LAX1: variants seen among roughly 807,000 people sequenced by gnomAD.
LAX1 encodes the protein lymphocyte transmembrane adaptor 1.
A neutral mutation model predicts 20.7 loss-of-function variants in LAX1; 17 were observed. That is an observed-to-expected ratio of 0.82 (90% CI 0.56 to 1.23). The LOEUF is 1.23. LAX1 is among the 50% of genes most tolerant of loss of function. The pLI, the probability that LAX1 is intolerant of heterozygous loss-of-function variation, is 0.00. For synonymous variants in LAX1, 165 were observed against 181.0 expected (o/e 0.91, Z 0.71); for missense variants, 470 against 487.0 (o/e 0.97, Z 0.33).
chr1:203,773,436 G>A (rs560557806), intron 4 of LAX1, among the ~76,000 whole-genome samples: 62 of 152,054 alleles, frequency 4.1e-4, no homozygotes, highest in South Asian at 8.3e-4. Flanking sequence ...CTTGGGCGAC[G>A]AGAGCGAAAC....
At chr1:203,772,554 A>C (rs1318614256) in intron 4 of LAX1, among the ~76,000 whole-genome samples, 1 of 152,062 alleles carries the variant, frequency 6.6e-6, no homozygotes, top group Non-Finnish European at 1.5e-5. Flanking sequence ...CAGCCTCCCA[A>C]GTAGCTGGGA....
At chr1:203,771,279 T>C in intron 2 of LAX1, 88 bp from the exon 3 acceptor site, 1 of 869,982 alleles carries the variant, frequency 1.1e-6, no homozygotes, top group East Asian at 2.4e-5. Context: ...ATGGGGAGCA[T>C]TTTCAGGGGC....
intron 4 of LAX1, among the ~76,000 whole-genome samples, chr1:203,772,715 C>T (rs557179994): frequency 5.3e-4 from 79 of 148,328 alleles, no homozygotes; most frequent in African/African-American, 1.8e-3. Flanking sequence ...CATGAGCCAC[C>T]GTGCCCAGCA....
At position 203,770,686 on chromosome 1, in the gene LAX1, C is replaced by T. The variant is rs555740787; in HGVS notation, c.90-142C>T. 1.1e-3 allele frequency: 737 copies of T among 660,658 alleles called. 1 individual carries two copies. The highest frequency in any genetic ancestry group is 1.7e-3 in the Non-Finnish European group (632 of 366,986). The allele number at this position is 660,658 out of a possible 1,614,324, so 40.9% of individuals were successfully genotyped here. ...ATAAAGTCAATATTCAGAGATAACC[C>T]TCTCTTCCACCACACCCCACCTGGG... On this transcript the variant is annotated intron_variant, in intron 1 of 4. Coordinates refer to ENST00000442561, the MANE Select transcript of LAX1 (RefSeq NM_017773.4).
intron 1 of LAX1, 60 bp downstream of exon 1, chr1:203,765,714 C>T: frequency 2.0e-6 from 3 of 1,500,716 alleles, no homozygotes; most frequent in Non-Finnish European, 2.8e-6. Flanking sequence ...GGTCCTAGTC[C>T]ACCCTTAGGA....
intron 4 of LAX1, 89 bp from the exon 5 acceptor site, chr1:203,773,779 TTTTTTCA>T: frequency 4.2e-6 from 1 of 239,380 alleles, no homozygotes. Flanking sequence ...TTTTTTTTTT[TTTTTTCA>T]GAATATGCCA....
In LAX1 at chr1:203,765,517, A is replaced by C. The variant is rs1452492446; in HGVS notation, c.-49A>C. On this transcript the variant is annotated 5_prime_UTR_variant, in exon 1 of 5. Coordinates refer to ENST00000442561, the MANE Select transcript of LAX1 (RefSeq NM_017773.4). ...TGCTGGCTAACTGATTATGATTAAG[A>C]GAAACTTAGAAGCTGAAGCCAGAGA... 4 of 1,611,498 alleles carry C rather than the reference A, an allele frequency of 2.5e-6. No homozygotes were observed. The African/African-American group carries it at 4.0e-5, about 16-fold the overall frequency.
In LAX1 at chr1:203,773,872, T is replaced by A; in HGVS notation, c.391-3T>A. 1 of 1,511,428 alleles carries A rather than the reference T, an allele frequency of 6.6e-7. No homozygotes were observed. The highest frequency in any genetic ancestry group is 9.0e-7 in the Non-Finnish European group (1 of 1,113,898). The allele number at this position is 1,511,428 out of a possible 1,614,324, so 93.6% of individuals were successfully genotyped here. On this transcript the variant is annotated splice_polypyrimidine_tract_variant and splice_region_variant and intron_variant, in intron 4 of 4. Coordinates refer to ENST00000442561, the MANE Select transcript of LAX1 (RefSeq NM_017773.4). ...ACCACTGGCTTCCTTTTCTTCTTCA[T>A]AGCCCTCCCAAGCAGGCAATGCCTT...
At chr1:203,769,146 T>C (rs368434597) in intron 1 of LAX1, among the ~76,000 whole-genome samples, 6 of 152,110 alleles carry the variant, frequency 3.9e-5, no homozygotes, top group African/African-American at 1.4e-4. Context: ...CCCAGCACTT[T>C]GGGAGACTGA....
chr1:203,773,081 T>C (rs548906963), intron 4 of LAX1, among the ~76,000 whole-genome samples: 29 of 152,302 alleles, frequency 1.9e-4, no homozygotes, highest in African/African-American at 7.0e-4. Flanking sequence ...AACAATGCCA[T>C]TGGTGCTCAA....
chr1:203,767,466 C>T (rs1667324630), intron 1 of LAX1, among the ~76,000 whole-genome samples: 1 of 151,324 alleles, frequency 6.6e-6, no homozygotes, highest in South Asian at 2.1e-4. Flanking sequence ...AGCCACCATG[C>T]CTGGCTAATT....
rs74138705 is a variant in LAX1 at position 203,774,000 on chromosome 1, C to A, written c.516C>A (p.His172Gln). The change falls in exon 5 of 5, where the codon CAC becomes CAA. Residue 172 changes from histidine (H) to glutamine (Q), a missense_variant. By Grantham distance (24) the His-to-Gln change is conservative. Transcript: ENST00000442561. Reference protein sequence around the residue: ...QMCGNLTPSAHCINVRASRDC... With the variant: ...QMCGNLTPSAQCINVRASRDC... Reference sequence around the variant, plus strand: ...GTGGGAACCTCACTCCCTCGGCACACTGCATCAATGTCAGAGCTTCCAGAG... The same window carrying A: ...GTGGGAACCTCACTCCCTCGGCACAATGCATCAATGTCAGAGCTTCCAGAG... 400 of 1,614,098 alleles carry A rather than the reference C, an allele frequency of 2.5e-4. 2 individuals carry two copies. In the African/African-American group the frequency reaches 4.8e-3, roughly 19 times the overall value.
At chr1:203,766,254 A>G (rs543989712) in intron 1 of LAX1, among the ~76,000 whole-genome samples, 1 of 152,240 alleles carries the variant, frequency 6.6e-6, no homozygotes, top group East Asian at 1.9e-4. Context: ...AGTGGGGCGG[A>G]TCACCCCCAC....
intron 1 of LAX1, among the ~76,000 whole-genome samples, chr1:203,767,620 T>G (rs939506590): frequency 1.3e-5 from 2 of 152,124 alleles, no homozygotes; most frequent in African/African-American, 4.8e-5. Flanking sequence ...GGTAGTTCTA[T>G]TTTTAATTTT....
At position 203,765,471 on chromosome 1, in the gene LAX1, G is replaced by C; in HGVS notation, c.-95G>C. The stretch of plus-strand genomic sequence containing the variant: ...CACGAGATAGGGAGTTTGTTGCGGG[G>C]GTGGGGAGAAGTGGTAGACATGCTG... On this transcript the variant is annotated 5_prime_UTR_variant, in exon 1 of 5. Coordinates refer to ENST00000442561, the MANE Select transcript of LAX1 (RefSeq NM_017773.4). 1.3e-6 allele frequency: 2 copies of C among 1,572,846 alleles called. No homozygotes were observed. Among genetic ancestry groups the C allele is most frequent in the South Asian group, 2.3e-5 (2 of 86,824 alleles).
intron 1 of LAX1, among the ~76,000 whole-genome samples, chr1:203,769,397 AAAAGAAAGAAAGAAAG>A (rs1200921518): frequency 1.3e-5 from 1 of 76,688 alleles, no homozygotes; most frequent in African/African-American, 5.4e-5. Flanking sequence ...GTCTCAAAAA[AAAAGAAAGAAAGAAAG>A]AAAGAAAGAA....
At chr1:203,769,785 C>CGGGGGGGG (rs1667373318) in intron 1 of LAX1, 1 of 11,104 alleles carries the variant, frequency 9.0e-5, no homozygotes, top group African/African-American at 4.2e-4. Flanking sequence ...GGGGGGGGGG[C>CGGGGGGGG]GGCGGGGGGT....
At chr1:203,772,287 T>A (rs1277940699) in intron 4 of LAX1, 140 bp downstream of exon 4, 2 of 674,344 alleles carry the variant, frequency 3.0e-6, no homozygotes, top group Non-Finnish European at 5.2e-6. Flanking sequence ...ATTAATAAAT[T>A]GGGAAGACTA....
At chr1:203,772,503 C>T (rs971737346) in intron 4 of LAX1, among the ~76,000 whole-genome samples, 1 of 152,172 alleles carries the variant, frequency 6.6e-6, no homozygotes, top group African/African-American at 2.4e-5. Flanking sequence ...TCTCGGCTCA[C>T]TGCAACTTCT....
Sources: allele counts gnomAD v4.1 joint callset (sites outside exome capture counted in the v4.1 genomes callset), GRCh38; gene constraint gnomAD v4.1.1; transcripts MANE v1.5; gene names NCBI Gene and HGNC (gene_info 2026-07-23, HGNC 2026-07-21).